KCNH1: variants seen among roughly 807,000 people sequenced by gnomAD.
KCNH1 encodes the protein voltage-gated delayed rectifier potassium channel KCNH1.
In KCNH1, 27 loss-of-function variants were observed where a neutral mutation model predicts 69.2. The observed-to-expected ratio is 0.39, with a 90% CI of 0.29 to 0.54. The LOEUF (loss-of-function observed/expected upper bound fraction) is 0.54. Among genes scored for constraint, KCNH1 ranks in the 20% least tolerant of loss-of-function variants. KCNH1 has a pLI of 0.68. For missense variants in KCNH1, 798 were observed against 1,261.6 expected, an observed-to-expected ratio of 0.63 and a Z score of 5.57; for synonymous variants, 456 against 487.7, an observed-to-expected ratio of 0.93 and a Z score of 0.86.
chr1:210,944,347 A>T (rs1239013407), intron 6 of KCNH1, among the ~76,000 whole-genome samples: 2 of 152,354 alleles, frequency 1.3e-5, no homozygotes, highest in Admixed American at 6.5e-5. Flanking sequence ...ACACAATCCC[A>T]TGTTTGTACA....
intron 6 of KCNH1, among the ~76,000 whole-genome samples, chr1:210,957,048 C>A (rs533239559): frequency 6.6e-6 from 1 of 152,122 alleles, no homozygotes; most frequent in Admixed American, 6.5e-5. Flanking sequence ...CTTGTGGGCA[C>A]TTAGTGCTAT....
chr1:210,811,647 A>G (rs538435132), intron 7 of KCNH1, among the ~76,000 whole-genome samples: 1 of 152,278 alleles, frequency 6.6e-6, no homozygotes, highest in Non-Finnish European at 1.5e-5. Context: ...AGCATTATCA[A>G]TGGCTTGCAA....
At chr1:210,806,046 T>A (rs1316637235) in intron 7 of KCNH1, among the ~76,000 whole-genome samples, 1 of 152,252 alleles carries the variant, frequency 6.6e-6, no homozygotes, top group Non-Finnish European at 1.5e-5. Flanking sequence ...CAAGTTTTTA[T>A]GTGAACATAT....
intron 6 of KCNH1, among the ~76,000 whole-genome samples, chr1:210,983,463 G>T (rs957554491): frequency 1.3e-5 from 2 of 152,162 alleles, no homozygotes; most frequent in African/African-American, 2.4e-5. Flanking sequence ...TGTAAGGAAG[G>T]GATCCAGTTT....
intron 1 of KCNH1, among the ~76,000 whole-genome samples, chr1:211,122,240 G>C (rs1039969107): frequency 6.6e-6 from 1 of 151,898 alleles, no homozygotes; most frequent in Non-Finnish European, 1.5e-5. Flanking sequence ...CAACATCACC[G>C]ATCATCAGAG....
Position 210,927,827 on chromosome 1 carries a change from A to G in KCNH1, c.1033-7758T>C, listed in dbSNP as rs1237004222. ...TGTCTTCAGGAGACTCACCTAACAC[A>G]CAGGGCCTCACATAAACTTAAGGTA... On this transcript the variant is annotated intron_variant, in intron 6 of 10. Coordinates refer to ENST00000271751, the MANE Select transcript of KCNH1 (RefSeq NM_172362.3). Among the ~76,000 whole-genome samples, 3 of 152,308 alleles carry G rather than the reference A, an allele frequency of 2.0e-5. No individual in the cohort carries two copies. The East Asian group carries it at 5.8e-4, about 29-fold the overall frequency.
At chr1:211,051,840 G>T (rs1426336241) in intron 5 of KCNH1, among the ~76,000 whole-genome samples, 2 of 152,182 alleles carry the variant, frequency 1.3e-5, no homozygotes, top group Non-Finnish European at 2.9e-5. Context: ...AATGAGGAAA[G>T]ATTAGGGAGG....
Position 211,134,020 on chromosome 1 carries a change from C to A in KCNH1, c.-75G>T. On this transcript the variant is annotated 5_prime_UTR_variant, in exon 1 of 11. Transcript: ENST00000271751. The surrounding 1 kb of genome is among the most constrained non-coding windows in gnomAD (Gnocchi z 5.7). ...ACAGCAGGAAACTGGCCTCGGGGCC[C>A]GCACGCAGTCCCGGCTCGAAGCGCC... is the stretch of plus-strand genomic sequence containing the variant. 1 of 1,329,744 alleles carries A rather than the reference C, an allele frequency of 7.5e-7. No homozygotes were observed. The allele number at this position is 1,329,744 out of a possible 1,614,324, so 82.4% of individuals were successfully genotyped here.
Position 211,133,898 on chromosome 1 carries a change from C to A in KCNH1, c.48G>T (p.Thr16=), listed in dbSNP as rs1417364450. The change falls in exon 1 of 11, where the codon ACG becomes ACT. Residue 16 remains threonine (T), a synonymous_variant. Coordinates refer to ENST00000271751, the MANE Select transcript of KCNH1 (RefSeq NM_172362.3). This position sits in a 1 kb window ranked among gnomAD's most constrained non-coding sequence, Gnocchi z 5.4. ...ACCGCCGAACAATATTCTCCAGAAA[C>A]GTGTTTTGAGGGGCCACTAGTCCCC... ...GRRGLVAPQN[T]FLENIVRRSN... The A allele has an allele frequency of 1.9e-6, 3 of 1,611,818 alleles. No individual in the cohort carries two copies. The highest frequency in any genetic ancestry group is 8.5e-7 in the Non-Finnish European group (1 of 1,179,180).
rs185096758 is a variant in KCNH1, at chr1:210,946,669, C to A, written c.1033-26600G>T. On this transcript the variant is annotated intron_variant, in intron 6 of 10. Coordinates refer to ENST00000271751, the MANE Select transcript of KCNH1 (RefSeq NM_172362.3). ...CAGCACCTCACTGCCACCCATAAGGCCCTTGTGGCCTGGCCCCTGCCTGCT... is the reference window on the plus strand; with the variant it reads ...CAGCACCTCACTGCCACCCATAAGGACCTTGTGGCCTGGCCCCTGCCTGCT... Among the ~76,000 whole-genome samples, 24 of 152,290 alleles carry A rather than the reference C, an allele frequency of 1.6e-4. No homozygotes were observed. The East Asian group carries it at 4.6e-3, about 29-fold the overall frequency.
intron 10 of KCNH1, among the ~76,000 whole-genome samples, chr1:210,771,005 T>G (rs1018413632): frequency 6.6e-6 from 1 of 152,210 alleles, no homozygotes; most frequent in Non-Finnish European, 1.5e-5. Context: ...GATACAGTAA[T>G]GTCATGAGGC....
chr1:210,965,966 C>T (rs1688392028), intron 6 of KCNH1, among the ~76,000 whole-genome samples: 1 of 152,118 alleles, frequency 6.6e-6, no homozygotes, highest in Non-Finnish European at 1.5e-5. Flanking sequence ...AGGTATCACG[C>T]TACCTGACTT....
intron 5 of KCNH1, among the ~76,000 whole-genome samples, chr1:211,064,402 A>C (rs1690490942): frequency 6.6e-6 from 1 of 152,120 alleles, no homozygotes; most frequent in African/African-American, 2.4e-5. Flanking sequence ...CTACTAAAAA[A>C]TACAAAAAAA....
intron 7 of KCNH1, among the ~76,000 whole-genome samples, chr1:210,856,123 CT>C (rs1221565300): frequency 6.6e-6 from 1 of 152,130 alleles, no homozygotes; most frequent in African/African-American, 2.4e-5. Flanking sequence ...GTTCCAAACC[CT>C]TTTGGCAGCT....
intron 7 of KCNH1, among the ~76,000 whole-genome samples, chr1:210,808,527 G>T (rs1294757627): frequency 6.6e-6 from 1 of 151,926 alleles, no homozygotes; most frequent in Admixed American, 6.6e-5. Context: ...GATAATTATT[G>T]TCTCAATGCC....
chr1:211,009,959 A>G (rs1689363155), intron 6 of KCNH1, among the ~76,000 whole-genome samples: 1 of 152,152 alleles, frequency 6.6e-6, no homozygotes. Flanking sequence ...AAGCAAGAGG[A>G]TCAGGGGAGA....
At chr1:210,891,279 CT>C (rs1003674910) in intron 7 of KCNH1, among the ~76,000 whole-genome samples, 3 of 152,078 alleles carry the variant, frequency 2.0e-5, no homozygotes, top group Admixed American at 6.5e-5. Flanking sequence ...TCTGAGCAAA[CT>C]ATTGCAAGGA....
At position 210,754,247 on chromosome 1, in the gene KCNH1, G is replaced by A. The variant is rs1392435201; in HGVS notation, c.2112+21101C>T. 2.6e-5 allele frequency among the ~76,000 whole-genome samples: 4 copies of A among 151,918 alleles called. No homozygotes were observed. The East Asian group carries it at 7.8e-4, about 30-fold the overall frequency. The stretch of plus-strand genomic sequence containing the variant: ...ACTAATGTTTATCTCTGACCCAAAG[G>A]GAAAAAAATACTTCCCAAGCCAAGT... On this transcript the variant is annotated intron_variant, in intron 10 of 10. Coordinates refer to ENST00000271751, the MANE Select transcript of KCNH1 (RefSeq NM_172362.3).
At chr1:210,912,210 T>C (rs1031093013) in intron 7 of KCNH1, among the ~76,000 whole-genome samples, 3 of 152,216 alleles carry the variant, frequency 2.0e-5, no homozygotes, top group Non-Finnish European at 4.4e-5. Flanking sequence ...ACTCAGGGCA[T>C]GACTATTTGT....
Sources: gnomAD v4.1 joint callset for allele counts (sites outside exome capture counted in the v4.1 genomes callset) on GRCh38, gnomAD v4.1.1 for gene constraint, Gnocchi (gnomAD v3.1) non-coding constraint, MANE v1.5 for transcripts, NCBI Gene and HGNC (gene_info 2026-07-23, HGNC 2026-07-21) for gene names.